The following ZNF823 variants were observed in gnomAD, a reference collection of about 807,000 sequenced individuals.
The protein encoded by ZNF823 is ZFP 36 for a zinc finger protein.
ZNF823 carries 5 observed loss-of-function variants against 11.4 expected under a neutral mutation model. The observed-to-expected ratio is 0.44, with a 90% CI of 0.23 to 0.92. ZNF823 has a LOEUF of 0.92. Among genes scored for constraint, ZNF823 ranks in the 40% least tolerant of loss-of-function variants. The probability of loss-of-function intolerance (pLI) is 0.24; values close to 1 mark genes in which losing one functional copy is unlikely to be tolerated. For synonymous variants in ZNF823, 234 were observed against 250.5 expected, an observed-to-expected ratio of 0.93 and a Z score of 0.62; for missense variants, 582 against 738.5, an observed-to-expected ratio of 0.79 and a Z score of 2.46.
intron 1 of ZNF823, among the ~76,000 whole-genome samples, chr19:11,726,307 T>TAA (rs1974792231): frequency 7.0e-6 from 1 of 143,460 alleles, no homozygotes; most frequent in South Asian, 2.2e-4. Flanking sequence ...TATATATATA[T>TAA]AAATTTTTTT....
chr19:11,726,900 G>T (rs1290166495), intron 1 of ZNF823, among the ~76,000 whole-genome samples: 2 of 152,156 alleles, frequency 1.3e-5, no homozygotes, highest in Non-Finnish European at 2.9e-5. Flanking sequence ...GGGATATTTA[G>T]CCCATCCTAT....
At position 11,723,073 on chromosome 19, in the gene ZNF823, T is replaced by C. The variant is rs1568466040; in HGVS notation, c.461A>G (p.His154Arg). Reference sequence around the variant, plus strand: ...TTTCTTTCCGGTGGGGGGCCTTTCATGTGTCTGGAAGGAGTGCTGATGACT... The same window carrying C: ...TTTCTTTCCGGTGGGGGGCCTTTCACGTGTCTGGAAGGAGTGCTGATGACT... ...AISHQHSFQT[H>R]ERPPTGKKPF... Residue 154 changes from histidine to arginine, a missense_variant, in exon 4 of 4, where the codon CAT becomes CGT. This residue lies in a region of ZNF823 where 429 missense variants were observed against 553.7 expected (regional missense o/e 0.77). Coordinates refer to ENST00000341191, the MANE Select transcript of ZNF823 (RefSeq NM_001080493.4). The C allele has an allele frequency of 6.2e-7, 1 of 1,614,226 alleles. No individual in the cohort carries two copies. The highest frequency in any genetic ancestry group is 1.1e-5 in the South Asian group (1 of 91,088).
At chr19:11,726,089 A>G (rs1974785063) in intron 1 of ZNF823, 2 of 148,888 alleles carry the variant, frequency 1.3e-5, no homozygotes, top group Admixed American at 1.3e-4. Flanking sequence ...AAAAAAAAAA[A>G]AAAAATAGCA....
intron 1 of ZNF823, among the ~76,000 whole-genome samples, chr19:11,728,261 A>C (rs1332813925): frequency 6.6e-6 from 1 of 152,186 alleles, no homozygotes; most frequent in African/African-American, 2.4e-5. Flanking sequence ...TGCAAAATAC[A>C]CAGAAAGCCT....
At chr19:11,735,726 T>C (rs1235198172) in intron 1 of ZNF823, among the ~76,000 whole-genome samples, 2 of 151,996 alleles carry the variant, frequency 1.3e-5, no homozygotes, top group Non-Finnish European at 2.9e-5. Flanking sequence ...CTTACATGCC[T>C]TACATGGGTA....
In ZNF823 at chr19:11,723,187, T is replaced by C. The variant is rs772852324; in HGVS notation, c.347A>G (p.Asn116Ser). 2.5e-6 allele frequency: 4 copies of C among 1,614,076 alleles called. No individual in the cohort carries two copies. The highest frequency in any genetic ancestry group is 2.7e-5 in the African/African-American group (2 of 74,914). ...TTTGTGTCCAGTGTCAACTCTGATG[T>C]TGCAATTAAGAGACGAATGACCCAA... Reference protein sequence around the residue: ...VVLGHSSLNCNIRVDTGHKSC... With the variant: ...VVLGHSSLNCSIRVDTGHKSC... The change falls in exon 4 of 4, where the codon AAC (asparagine) becomes AGC (serine). Residue 116 changes from asparagine (N) to serine (S), a missense_variant. Asn to Ser is a conservative substitution (Grantham distance 46). Around this residue, in one of 3 missense-constraint regions of ZNF823, gnomAD observed 429 missense variants for 553.7 expected, o/e 0.77. Coordinates refer to ENST00000341191, the MANE Select transcript of ZNF823 (RefSeq NM_001080493.4).
Position 11,725,318 on chromosome 19 carries a change from C to A in ZNF823, c.13G>T (p.Ala5Ser). 6.2e-7 allele frequency: 1 copy of A among 1,613,940 alleles called. No individual in the cohort carries two copies. Among genetic ancestry groups the A allele is most frequent in the Non-Finnish European group, 8.5e-7 (1 of 1,179,854 alleles). Reference sequence around the variant, plus strand: ...AAGTTCACAGCCACATCTTCAAAGGCCACTGAGTCCTGAAACATCCCACAT... The same window carrying A: ...AAGTTCACAGCCACATCTTCAAAGGACACTGAGTCCTGAAACATCCCACAT... MDSVAFEDVAVNFTQ... is the reference protein window; with the variant it reads MDSVSFEDVAVNFTQ... Residue 5 changes from alanine to serine, a missense_variant, in exon 2 of 4, where the codon GCC becomes TCC. Transcript: ENST00000341191.
At chr19:11,738,777 C>T (rs746452432) in intron 1 of ZNF823, 40 bp downstream of exon 1, 3 of 1,603,538 alleles carry the variant, frequency 1.9e-6, no homozygotes, top group Non-Finnish European at 2.6e-6. Context: ...TTCCAACCTG[C>T]CCCTTCTTTG....
chr19:11,731,626 G>C (rs1161491776), intron 1 of ZNF823, among the ~76,000 whole-genome samples: 13 of 151,966 alleles, frequency 8.6e-5, no homozygotes, highest in Admixed American at 8.5e-4. Context: ...TCCCACAACA[G>C]GCCCCCACTG....
intron 1 of ZNF823, among the ~76,000 whole-genome samples, chr19:11,731,697 G>A (rs1284941261): frequency 6.6e-6 from 1 of 152,130 alleles, no homozygotes; most frequent in Admixed American, 6.5e-5. Flanking sequence ...AAATACAACA[G>A]CACCATCCTC....
In ZNF823 at chr19:11,723,316, T is replaced by A; in HGVS notation, c.218A>T (p.Asp73Val). 1 of 1,611,112 alleles carries A rather than the reference T, an allele frequency of 6.2e-7. No homozygotes were observed. The highest frequency in any genetic ancestry group is 8.5e-7 in the Non-Finnish European group (1 of 1,178,408). Residue 73 changes from aspartate (D) to valine (V), a missense_variant, in exon 4 of 4, where the codon GAC (aspartate) becomes GTC (valine). Transcript: ENST00000341191. ...GCCAAAAGTTTCTCCACATTGACTG[T>A]CATCTTTAATTTCACATGTATGACT... ...LRSHTCEIKD[D>V]SQCGETFGQI... is the part of the protein sequence containing the mutation.
intron 2 of ZNF823, among the ~76,000 whole-genome samples, chr19:11,724,883 TCAA>T (rs1974763167): frequency 6.6e-6 from 1 of 152,070 alleles, no homozygotes; most frequent in Admixed American, 6.6e-5. Context: ...ATGATTCTCA[TCAA>T]CATTTTCCTT....
At chr19:11,723,529 A>G (rs946825484) in intron 3 of ZNF823, among the ~76,000 whole-genome samples, 187 bp from the exon 4 acceptor site, 1 of 152,176 alleles carries the variant, frequency 6.6e-6, no homozygotes, top group Admixed American at 6.5e-5. Context: ...TGATATTCAC[A>G]TGGAGATTCT....
At chr19:11,738,292 A>C (rs1234529568) in intron 1 of ZNF823, among the ~76,000 whole-genome samples, 1 of 152,102 alleles carries the variant, frequency 6.6e-6, no homozygotes, top group Non-Finnish European at 1.5e-5. Flanking sequence ...AAGGGAACCC[A>C]CTCAGCAGAA....
Position 11,722,922 on chromosome 19 carries a change from G to A in ZNF823, c.612C>T (p.Pro204=). ...CKLCGKAFVW[P]SLFHLHERTH... is the part of the protein sequence containing the mutation. ...TTCTTTCGTGCAAATGAAATAAACTGGGCCAAACAAAGGCTTTCCCACACA... is the reference window on the plus strand; with the variant it reads ...TTCTTTCGTGCAAATGAAATAAACTAGGCCAAACAAAGGCTTTCCCACACA... Residue 204 remains proline, a synonymous_variant, in exon 4 of 4, where the codon CCC becomes CCT. Coordinates refer to ENST00000341191, the MANE Select transcript of ZNF823 (RefSeq NM_001080493.4). The surrounding 1 kb of genome is among the most constrained non-coding windows in gnomAD (Gnocchi z 5.2). 6.2e-7 allele frequency: 1 copy of A among 1,614,150 alleles called. No homozygotes were observed. The highest frequency in any genetic ancestry group is 1.3e-5 in the African/African-American group (1 of 75,036).
Position 11,722,181 on chromosome 19 carries a change from G to C in ZNF823, c.1353C>G (p.Ala451=). ...TTTGAAAGGAAGAGAGATCACTAAA[G>C]GCTTTCCCACACTGACATTTATAGG... ...VKPYKCQCGK[A]FSDLSSFQNH... Residue 451 remains alanine (A), a synonymous_variant, in exon 4 of 4, where the codon GCC becomes GCG. Coordinates refer to ENST00000341191, the MANE Select transcript of ZNF823 (RefSeq NM_001080493.4). The surrounding 1 kb of genome is among the most constrained non-coding windows in gnomAD (Gnocchi z 5.2). The C allele has an allele frequency of 6.2e-7, 1 of 1,614,018 alleles. No homozygotes were observed. The highest frequency in any genetic ancestry group is 8.5e-7 in the Non-Finnish European group (1 of 1,180,002).
chr19:11,728,078 C>T (rs568877591), intron 1 of ZNF823, among the ~76,000 whole-genome samples: 66 of 152,156 alleles, frequency 4.3e-4, no homozygotes, highest in African/African-American at 1.4e-3. Flanking sequence ...GGGGTTTCAC[C>T]GTGTTAGCCA....
chr19:11,735,594 T>A (rs1228732694), intron 1 of ZNF823, among the ~76,000 whole-genome samples: 1 of 152,088 alleles, frequency 6.6e-6, no homozygotes, highest in Non-Finnish European at 1.5e-5. Context: ...CCAGGGAGGT[T>A]CCCCAGGAAG....
chr19:11,735,965 A>G (rs1306727118), intron 1 of ZNF823, among the ~76,000 whole-genome samples: 4 of 149,476 alleles, frequency 2.7e-5, no homozygotes, highest in African/African-American at 1.0e-4. Context: ...TAGCTGTTGG[A>G]AAGTCCTGTC....
Sources: allele counts gnomAD v4.1 joint callset (sites outside exome capture counted in the v4.1 genomes callset), GRCh38; gene constraint gnomAD v4.1.1; regional missense constraint gnomAD v4.1.1; non-coding constraint Gnocchi (gnomAD v3.1); transcripts MANE v1.5; gene names NCBI Gene and HGNC (gene_info 2026-07-23, HGNC 2026-07-21).